WWOX: variants seen among roughly 807,000 people sequenced by gnomAD.
WWOX encodes WW domain containing oxidoreductase, also known as WW domain-containing oxidoreductase.
Under a neutral mutation model 46.2 loss-of-function variants are expected in WWOX, and 69 were observed. The ratio of observed to expected loss-of-function variants is 1.49; its 90% CI spans 1.23 to 1.82. WWOX has a LOEUF of 1.82. Among genes scored for constraint, WWOX ranks in the 40% most tolerant of loss-of-function variants. The pLI, the probability that WWOX is intolerant of heterozygous loss-of-function variation, is 0.00. For missense variants in WWOX, 919 were observed against 542.6 expected (o/e 1.69, Z -6.89); for synonymous variants, 359 against 202.6 (o/e 1.77, Z -6.56).
intron 8 of WWOX, among the ~76,000 whole-genome samples, chr16:79,083,335 C>T (rs966150610): frequency 6.6e-6 from 1 of 152,102 alleles, no homozygotes; most frequent in Admixed American, 6.6e-5. Flanking sequence ...TCCTATGCCC[C>T]AGCAATTAAG....
intron 8 of WWOX, among the ~76,000 whole-genome samples, chr16:78,524,263 GAC>G (rs1408424008): frequency 2.0e-5 from 3 of 152,148 alleles, no homozygotes; most frequent in African/African-American, 7.2e-5. Flanking sequence ...ATTAGAAGCA[GAC>G]ACAGCCATGA....
intron 8 of WWOX, among the ~76,000 whole-genome samples, chr16:78,571,295 A>G (rs564225128): frequency 2.6e-5 from 4 of 152,214 alleles, no homozygotes; most frequent in East Asian, 1.9e-4. Context: ...GACTTGCCCA[A>G]GGTCATACAC....
At chr16:78,105,571 T>A (rs2032087321) in intron 1 of WWOX, among the ~76,000 whole-genome samples, 1 of 152,194 alleles carries the variant, frequency 6.6e-6, no homozygotes, top group Non-Finnish European at 1.5e-5. Context: ...AGAGTTTGTT[T>A]TGTTTTTTAA....
chr16:78,253,813 G>T (rs1460525047), intron 5 of WWOX, among the ~76,000 whole-genome samples: 1 of 152,176 alleles, frequency 6.6e-6, no homozygotes, highest in African/African-American at 2.4e-5. Context: ...AATTGTAGGA[G>T]CTATGTCCTG....
At chr16:79,002,708 C>T (rs1379147821) in intron 8 of WWOX, among the ~76,000 whole-genome samples, 2 of 152,166 alleles carry the variant, frequency 1.3e-5, no homozygotes, top group Non-Finnish European at 2.9e-5. Flanking sequence ...GTGCCTATTC[C>T]CATTTCACAG....
intron 8 of WWOX, among the ~76,000 whole-genome samples, chr16:79,183,466 G>A (rs558820110): frequency 1.6e-4 from 24 of 152,310 alleles, no homozygotes; most frequent in African/African-American, 5.8e-4. Flanking sequence ...GAGATTAAAT[G>A]TCTTATTTCT....
chr16:78,481,451 A>G (rs925340154), intron 8 of WWOX, among the ~76,000 whole-genome samples: 3 of 152,138 alleles, frequency 2.0e-5, no homozygotes, highest in Admixed American at 6.6e-5. Context: ...CATTGATTGA[A>G]AGAGTCATGG....
Position 78,157,217 on chromosome 16 carries a change from A to G in WWOX, c.410-6966A>G, listed in dbSNP as rs577858944. Among the ~76,000 whole-genome samples the G allele has an allele frequency of 3.3e-5, 5 of 152,232 alleles. No individual in the cohort carries two copies. The South Asian group carries it at 6.2e-4, about 19-fold the overall frequency. ...TGTGAAGTCCCGGGCTCCCAAATGC[A>G]GTTGTGTTTGGTCACTGTGTTGCTT... On this transcript the variant is annotated intron_variant, in intron 4 of 8. Coordinates refer to ENST00000566780, the MANE Select transcript of WWOX (RefSeq NM_016373.4).
At chr16:78,860,601 A>G (rs1467195244) in intron 8 of WWOX, among the ~76,000 whole-genome samples, 2 of 152,248 alleles carry the variant, frequency 1.3e-5, no homozygotes, top group African/African-American at 2.4e-5. Context: ...ATCTTAGATT[A>G]TCGTGGAGAA....
At chr16:78,632,760 G>C (rs2046464887) in intron 8 of WWOX, among the ~76,000 whole-genome samples, 1 of 151,584 alleles carries the variant, frequency 6.6e-6, no homozygotes, top group Non-Finnish European at 1.5e-5. Context: ...ATTTCTCCAT[G>C]TTGGTCAGAC....
chr16:78,906,940 A>G lies in WWOX; in HGVS notation c.1057-304668A>G, dbSNP rs141770520. Among the ~76,000 whole-genome samples the G allele has an allele frequency of 5.9e-5, 9 of 152,320 alleles. No individual in the cohort carries two copies. The East Asian group carries it at 9.7e-4, about 16-fold the overall frequency. On this transcript the variant is annotated intron_variant, in intron 8 of 8. Transcript: ENST00000566780. Reference sequence around the variant, plus strand: ...ACGGAAATAATTACGCAAATAAGCTATTGGCAGGTGGTGATAACGTAACCG... The same window carrying G: ...ACGGAAATAATTACGCAAATAAGCTGTTGGCAGGTGGTGATAACGTAACCG...
intron 5 of WWOX, among the ~76,000 whole-genome samples, chr16:78,367,636 A>G (rs1249641893): frequency 2.0e-5 from 3 of 152,194 alleles, no homozygotes; most frequent in Non-Finnish European, 4.4e-5. Flanking sequence ...TCCTGGGCTC[A>G]GGGATAATTT....
At chr16:78,159,324 A>T (rs921369025) in intron 4 of WWOX, among the ~76,000 whole-genome samples, 1 of 152,116 alleles carries the variant, frequency 6.6e-6, no homozygotes, top group African/African-American at 2.4e-5. Flanking sequence ...ATGTATCCAG[A>T]AGTAGGATTG....
intron 8 of WWOX, among the ~76,000 whole-genome samples, chr16:78,585,118 T>A (rs550381524): frequency 6.6e-5 from 10 of 152,346 alleles, no homozygotes; most frequent in African/African-American, 2.4e-4. Flanking sequence ...TCTTTAGCCA[T>A]GTCCGTGTGA....
chr16:78,596,965 T>C (rs1389399631), intron 8 of WWOX, among the ~76,000 whole-genome samples: 3 of 152,170 alleles, frequency 2.0e-5, no homozygotes, highest in Non-Finnish European at 1.5e-5. Flanking sequence ...AACCATGTTC[T>C]AGCTATGCAG....
At chr16:79,153,818 G>C (rs975906983) in intron 8 of WWOX, among the ~76,000 whole-genome samples, 8 of 152,006 alleles carry the variant, frequency 5.3e-5, no homozygotes, top group Non-Finnish European at 1.0e-4. Flanking sequence ...CTCTTTTAGG[G>C]ACATCTCTTC....
chr16:78,198,081 C>T (rs188644999), intron 5 of WWOX, among the ~76,000 whole-genome samples: 74 of 152,186 alleles, frequency 4.9e-4, no homozygotes, highest in Admixed American at 4.1e-3. Flanking sequence ...CTCCTGGTAG[C>T]GGTTGGTAAG....
chr16:78,686,057 A>G (rs1281118076), intron 8 of WWOX, among the ~76,000 whole-genome samples: 3 of 152,204 alleles, frequency 2.0e-5, no homozygotes, highest in Non-Finnish European at 4.4e-5. Context: ...AAAGGAAAAG[A>G]AAGTGCAAGT....
intron 8 of WWOX, among the ~76,000 whole-genome samples, chr16:79,049,441 C>T (rs1289376362): frequency 2.0e-5 from 3 of 152,176 alleles, no homozygotes; most frequent in Admixed American, 6.5e-5. Context: ...CATCGATATT[C>T]TGGTACAGCT....
Sources: allele counts gnomAD v4.1 joint callset (sites outside exome capture counted in the v4.1 genomes callset), GRCh38; gene constraint gnomAD v4.1.1; transcripts MANE v1.5; gene names NCBI Gene and HGNC (gene_info 2026-07-23, HGNC 2026-07-21).